The following ENKUR variants were observed in gnomAD, a reference collection of about 807,000 sequenced individuals.
ENKUR encodes the protein enkurin.
A neutral mutation model predicts 27.6 loss-of-function variants in ENKUR; 19 were observed. The observed-to-expected ratio is 0.69, with a 90% CI of 0.48 to 1.01. The LOEUF (loss-of-function observed/expected upper bound fraction) is 1.01. Ranked by LOEUF, ENKUR falls within the 50% of genes least tolerant of loss-of-function variation. ENKUR has a pLI of 0.00. For missense variants in ENKUR, 312 were observed against 310.5 expected (o/e 1.00, Z -0.04); for synonymous variants, 117 against 96.9 (o/e 1.21, Z -1.22).
chr10:25,021,189 A>G (rs1251861852), intron 2 of ENKUR, among the ~76,000 whole-genome samples: 2 of 152,242 alleles, frequency 1.3e-5, no homozygotes, highest in African/African-American at 4.8e-5. Context: ...AGTGAGTGAC[A>G]ATGATTAATC....
At chr10:24,991,599 G>A (rs964729346) in intron 3 of ENKUR, among the ~76,000 whole-genome samples, 4 of 152,124 alleles carry the variant, frequency 2.6e-5, no homozygotes, top group African/African-American at 4.8e-5. Context: ...AGGAGAGCCC[G>A]GGCCACAGAG....
At chr10:25,038,304 T>C (rs1320424942) in intron 2 of ENKUR, among the ~76,000 whole-genome samples, 1 of 152,222 alleles carries the variant, frequency 6.6e-6, no homozygotes, top group African/African-American at 2.4e-5. Flanking sequence ...TAAGTAGACA[T>C]GGAACTGTGT....
intron 2 of ENKUR, among the ~76,000 whole-genome samples, chr10:25,031,781 G>C (rs1186852758): frequency 7.7e-6 from 1 of 130,036 alleles, no homozygotes; most frequent in Non-Finnish European, 1.7e-5. Context: ...TTCTGTTCTT[G>C]TTTCATGGAT....
At chr10:25,006,393 C>A (rs767540797) in intron 1 of ENKUR, among the ~76,000 whole-genome samples, 2 of 152,074 alleles carry the variant, frequency 1.3e-5, no homozygotes, top group South Asian at 4.2e-4. Flanking sequence ...AACATTTGTG[C>A]TCCTCTGTGA....
At chr10:25,053,020 C>T (rs1238207002) in intron 2 of ENKUR, among the ~76,000 whole-genome samples, 2 of 150,896 alleles carry the variant, frequency 1.3e-5, no homozygotes, top group South Asian at 2.1e-4. Flanking sequence ...CCATCCACCT[C>T]GGCCTCCCAA....
At chr10:24,996,686 C>G (rs1274201563) in intron 2 of ENKUR, among the ~76,000 whole-genome samples, 1 of 152,138 alleles carries the variant, frequency 6.6e-6, no homozygotes, top group Non-Finnish European at 1.5e-5. Flanking sequence ...TTACTAAGGA[C>G]TGACTTTATT....
intron 2 of ENKUR, among the ~76,000 whole-genome samples, chr10:25,040,371 A>ATTT (rs370808163): frequency 0.12 from 15,573 of 133,670 alleles, 1,515 homozygotes; most frequent in East Asian, 0.44. Flanking sequence ...ATTAAATGGG[A>ATTT]TTTTTTTTTT....
upstream of ENKUR, chr10:25,016,707 C>T (rs1441239831): frequency 1.3e-5 from 2 of 152,394 alleles, no homozygotes; most frequent in East Asian, 3.8e-4. Flanking sequence ...GGTGCTCCGT[C>T]TCCTGTGGAG....
intron 1 of ENKUR, among the ~76,000 whole-genome samples, chr10:25,002,092 G>C (rs1850199835): frequency 6.6e-6 from 1 of 152,100 alleles, no homozygotes; most frequent in Non-Finnish European, 1.5e-5. Context: ...AATTCCACAA[G>C]TGCTTTTAGT....
At chr10:25,020,567 G>C (rs578054144), upstream of ENKUR, among the ~76,000 whole-genome samples, 107 of 152,060 alleles carry the variant, frequency 7.0e-4, no homozygotes, top group Non-Finnish European at 1.4e-3. Flanking sequence ...AGGAGTTCGA[G>C]ATCAGTCTGG....
chr10:24,995,058 G>T (rs1850016186), intron 3 of ENKUR, among the ~76,000 whole-genome samples: 1 of 152,132 alleles, frequency 6.6e-6, no homozygotes, highest in South Asian at 2.1e-4. Context: ...GTTCACCAAT[G>T]AAATTACACA....
intron 2 of ENKUR, among the ~76,000 whole-genome samples, chr10:25,054,800 C>T (rs1564358864): frequency 1.3e-5 from 2 of 151,768 alleles, no homozygotes; most frequent in South Asian, 4.2e-4. Context: ...CCTCAGCCCC[C>T]CTCATAGCTG....
Position 24,982,295 on chromosome 10 carries a change from G to A in ENKUR, c.*2075C>T, listed in dbSNP as rs1342853608. ...GAGAAAGAAAAGGGCAGTTTTCTGG[G>A]TGGAGGGAACCATGTGTGCAGATCT... On this transcript the variant is annotated 3_prime_UTR_variant, in exon 6 of 6. Transcript: ENST00000331161. 2 of 152,228 alleles carry A rather than the reference G, an allele frequency of 1.3e-5. No individual in the cohort carries two copies. The highest frequency in any genetic ancestry group is 2.9e-5 in the Non-Finnish European group (2 of 68,062). 9.4% of individuals were successfully genotyped at this position (152,228 alleles called of 1,614,324 possible). A position where few individuals can be genotyped will look rare whatever the true frequency, so the allele number is the denominator to read the frequency against.
chr10:25,004,631 T>C (rs1218330294), intron 1 of ENKUR, among the ~76,000 whole-genome samples: 1 of 152,218 alleles, frequency 6.6e-6, no homozygotes, highest in Non-Finnish European at 1.5e-5. Context: ...TTCTTGTAAA[T>C]TTGTTTAAGT....
chr10:25,037,822 C>T (rs758367268), intron 2 of ENKUR, among the ~76,000 whole-genome samples: 10 of 152,150 alleles, frequency 6.6e-5, no homozygotes, highest in Non-Finnish European at 1.2e-4. Context: ...TTCATTTCAG[C>T]TTTAGCATTT....
At chr10:25,058,434 C>G (rs2130498761) in intron 2 of ENKUR, among the ~76,000 whole-genome samples, 1 of 152,248 alleles carries the variant, frequency 6.6e-6, no homozygotes, top group Admixed American at 6.5e-5. Context: ...TGTCAAATTC[C>G]TGGCCTCAAG....
intron 1 of ENKUR, among the ~76,000 whole-genome samples, chr10:25,006,926 A>T (rs889074852): frequency 5.3e-5 from 8 of 152,190 alleles, no homozygotes; most frequent in Non-Finnish European, 1.2e-4. Flanking sequence ...ATCCCATAGG[A>T]TTCTTGTGAA....
intron 2 of ENKUR, among the ~76,000 whole-genome samples, chr10:25,047,383 T>C (rs1851132492): frequency 6.6e-6 from 1 of 152,186 alleles, no homozygotes; most frequent in Non-Finnish European, 1.5e-5. Flanking sequence ...ACAGACAAGC[T>C]CTTGTACCTT....
chr10:25,037,234 T>A (rs775194770), intron 2 of ENKUR, among the ~76,000 whole-genome samples: 1 of 152,180 alleles, frequency 6.6e-6, no homozygotes, highest in Non-Finnish European at 1.5e-5. Context: ...TTTAGAAAGA[T>A]CATTTTTGCA....
Sources: allele counts gnomAD v4.1 joint callset (sites outside exome capture counted in the v4.1 genomes callset), GRCh38; gene constraint gnomAD v4.1.1; transcripts MANE v1.5; gene names NCBI Gene and HGNC (gene_info 2026-07-23, HGNC 2026-07-21).